Variants in SATL1 observed in about 807,000 individuals in gnomAD.
SATL1 encodes the protein spermidine/spermine N1-acetyl transferase like 1.
SATL1 carries 47 observed loss-of-function variants against 51.8 expected under a neutral mutation model. The ratio of observed to expected loss-of-function variants is 0.91; its 90% CI spans 0.72 to 1.16. The LOEUF (loss-of-function observed/expected upper bound fraction) is 1.16. Among genes scored for constraint, SATL1 ranks in the 50% most tolerant of loss-of-function variants. The pLI is 0.00. For missense variants in SATL1, 520 were observed against 526.4 expected, an observed-to-expected ratio of 0.99 and a Z score of 0.12; for synonymous variants, 176 against 182.4, an observed-to-expected ratio of 0.97 and a Z score of 0.28.
At chrX:85,223,727 A>G (rs754343782) in intron 2 of SATL1, among the ~76,000 whole-genome samples, 12 of 111,595 alleles carry the variant, frequency 1.1e-4, no homozygotes, top group Admixed American at 5.7e-4. Context: ...CATAGGGATC[A>G]GCAGCAAGAG....
chrX:85,093,808 G>A (rs12559870), intron 6 of SATL1, among the ~76,000 whole-genome samples: 3,762 of 112,092 alleles, frequency 0.034, 151 homozygotes, highest in African/African-American at 0.11. Flanking sequence ...AGGTTACAAT[G>A]AGTCGTGATC....
chrX:85,093,127 G>C, intron 7 of SATL1, 58 bp downstream of exon 7: 1 of 1,045,623 alleles, frequency 9.6e-7, no homozygotes. Context: ...TATGCCCTGT[G>C]AATATTTATT....
intron 2 of SATL1, among the ~76,000 whole-genome samples, chrX:85,130,172 A>G (rs774866862): frequency 5.2e-4 from 58 of 112,009 alleles, no homozygotes; most frequent in Non-Finnish European, 6.4e-4. Flanking sequence ...AAATGAGTTA[A>G]GGAGGATTCC....
chrX:85,102,178 A>G (rs1201175053), intron 4 of SATL1, among the ~76,000 whole-genome samples: 1 of 109,406 alleles, frequency 9.1e-6, no homozygotes, highest in Non-Finnish European at 1.9e-5. Flanking sequence ...GGTGTACTGC[A>G]CCCATTAACT....
At chrX:85,130,482 C>T (rs185650290) in intron 2 of SATL1, among the ~76,000 whole-genome samples, 153 of 111,297 alleles carry the variant, frequency 1.4e-3, no homozygotes, top group African/African-American at 4.6e-3. Context: ...TCTGTGGGAT[C>T]GGTGGTGATA....
intron 2 of SATL1, among the ~76,000 whole-genome samples, chrX:85,151,609 C>A (rs917272033): frequency 3.2e-4 from 36 of 111,010 alleles, no homozygotes; most frequent in Non-Finnish European, 6.6e-4. Context: ...GTACCGGTAC[C>A]AAAACAGAGA....
At chrX:85,220,676 A>C (rs1444650876) in intron 2 of SATL1, among the ~76,000 whole-genome samples, 1 of 83,673 alleles carries the variant, frequency 1.2e-5, no homozygotes, top group Non-Finnish European at 2.2e-5. Context: ...AAAAAAAAAA[A>C]AAAAAAAAAA....
At chrX:85,223,843 C>A (rs1402555550) in intron 2 of SATL1, among the ~76,000 whole-genome samples, 1 of 111,129 alleles carries the variant, frequency 9.0e-6, no homozygotes, top group East Asian at 2.8e-4. Flanking sequence ...AGGCTTGAAC[C>A]TATAGAGACA....
chrX:85,209,285 A>G (rs972433690), intron 2 of SATL1: 1 of 111,811 alleles, frequency 8.9e-6, no homozygotes, highest in Admixed American at 9.5e-5. Context: ...GAAGCCTTGT[A>G]GTATAGCTTG....
intron 1 of SATL1, among the ~76,000 whole-genome samples, chrX:85,238,588 T>G (rs1485631392): frequency 9.0e-6 from 1 of 110,653 alleles, no homozygotes; most frequent in African/African-American, 3.3e-5. Context: ...TTGGGGGAAA[T>G]GGGGATAGTG....
chrX:85,189,485 C>A (rs1011487731), intron 2 of SATL1, among the ~76,000 whole-genome samples: 34 of 111,885 alleles, frequency 3.0e-4, no homozygotes, highest in African/African-American at 9.4e-4. Context: ...TTTGGGCTTC[C>A]CCACAGTTAA....
intron 2 of SATL1, among the ~76,000 whole-genome samples, chrX:85,190,650 T>C (rs977333881): frequency 1.8e-5 from 2 of 111,166 alleles, no homozygotes. Flanking sequence ...TGTCAATCAT[T>C]CAAAAGATAA....
chrX:85,123,399 T>G (rs183660631), intron 2 of SATL1, among the ~76,000 whole-genome samples: 151 of 111,649 alleles, frequency 1.4e-3, no homozygotes, highest in African/African-American at 4.6e-3. Context: ...GATTTGTATT[T>G]TTCTAATGAT....
intron 2 of SATL1, among the ~76,000 whole-genome samples, chrX:85,198,886 T>C (rs2147749048): frequency 9.2e-6 from 1 of 109,109 alleles, no homozygotes; most frequent in South Asian, 4.2e-4. Flanking sequence ...GTCGCCAGGC[T>C]GGAGCGCAGT....
intron 2 of SATL1, among the ~76,000 whole-genome samples, chrX:85,134,799 G>A (rs1223469899): frequency 8.9e-6 from 1 of 111,739 alleles, no homozygotes; most frequent in African/African-American, 3.3e-5. Context: ...AATGCTTAGA[G>A]TATGAGGAAG....
chrX:85,240,091 T>C (rs67228396), intron 1 of SATL1, among the ~76,000 whole-genome samples: 14,365 of 110,844 alleles, frequency 0.13, 712 homozygotes, highest in South Asian at 0.18. Context: ...ATCCAGAAAA[T>C]GTATTTTTTT....
intron 2 of SATL1, among the ~76,000 whole-genome samples, chrX:85,121,311 A>C (rs1015487314): frequency 9.5e-6 from 1 of 105,438 alleles, no homozygotes; most frequent in African/African-American, 3.4e-5. Flanking sequence ...TGTATATATA[A>C]ATATATGTAT....
intron 2 of SATL1, among the ~76,000 whole-genome samples, chrX:85,111,333 C>T (rs1485067607): frequency 3.6e-5 from 4 of 112,096 alleles, no homozygotes; most frequent in African/African-American, 1.3e-4. Context: ...TGGGTTTGAA[C>T]ATAATGCATT....
chrX:85,164,723 A>ATT (rs200523833), intron 2 of SATL1, among the ~76,000 whole-genome samples: 7 of 92,985 alleles, frequency 7.5e-5, no homozygotes, highest in African/African-American at 2.3e-4. Flanking sequence ...TAGGTGATGA[A>ATT]TTTTTTTTTT....
Sources: gnomAD v4.1 joint callset for allele counts (sites outside exome capture counted in the v4.1 genomes callset) on GRCh38, gnomAD v4.1.1 for gene constraint, MANE v1.5 for transcripts, NCBI Gene and HGNC (gene_info 2026-07-23, HGNC 2026-07-21) for gene names.